PPAT: variants seen among roughly 807,000 people sequenced by gnomAD.
PPAT encodes amidophosphoribosyltransferase.
In PPAT, 20 loss-of-function variants were observed where a neutral mutation model predicts 60.2. The ratio of observed to expected loss-of-function variants is 0.33; its 90% CI spans 0.23 to 0.48. PPAT has a LOEUF of 0.48. Among genes scored for constraint, PPAT ranks in the 20% least tolerant of loss-of-function variants. The pLI is 0.99. For missense variants in PPAT, 349 were observed against 629.6 expected (o/e 0.55, Z 4.77); for synonymous variants, 194 against 215.1 (o/e 0.90, Z 0.86).
chr4:56,414,968 T>C (rs550467555), intron 1 of PPAT, among the ~76,000 whole-genome samples: 3 of 152,234 alleles, frequency 2.0e-5, no homozygotes, highest in East Asian at 1.9e-4. Context: ...AACTGTGCCA[T>C]CTGAAAGCAG....
In PPAT at chr4:56,396,528, T is replaced by C; in HGVS notation, c.1357+91A>G. 2 of 1,290,064 alleles carry C rather than the reference T, an allele frequency of 1.6e-6. No individual in the cohort carries two copies. Among genetic ancestry groups the C allele is most frequent in the Non-Finnish European group, 2.1e-6 (2 of 930,636 alleles). The allele number at this position is 1,290,064 out of a possible 1,614,324, so 79.9% of individuals were successfully genotyped here. A position where few individuals can be genotyped will look rare whatever the true frequency, so the allele number is the denominator to read the frequency against. On this transcript the variant is annotated intron_variant, in intron 10 of 10. Coordinates refer to ENST00000264220, the MANE Select transcript of PPAT (RefSeq NM_002703.5). This position sits in a 1 kb window ranked among gnomAD's most constrained non-coding sequence, Gnocchi z 4.6. ...ATATATAACTACTTTTAACAAACAC[T>C]GAATACTCCTTTTTACTAAAGGTGT...
At position 56,396,345 on chromosome 4, in the gene PPAT, G is replaced by A. The variant is rs960267385; in HGVS notation, c.1357+274C>T. ...GTTTTTCTTGGGATCTGACTTTTGG[G>A]AGGCTTTAAGTGATTATGATTGCAC... On this transcript the variant is annotated intron_variant, in intron 10 of 10. Coordinates refer to ENST00000264220, the MANE Select transcript of PPAT (RefSeq NM_002703.5). The surrounding 1 kb of genome is among the most constrained non-coding windows in gnomAD (Gnocchi z 4.6). 1 of 232,692 alleles carries A rather than the reference G, an allele frequency of 4.3e-6. No homozygotes were observed. Among genetic ancestry groups the A allele is most frequent in the African/African-American group, 2.3e-5 (1 of 44,180 alleles). The allele number at this position is 232,692 out of a possible 1,614,324, so 14.4% of individuals were successfully genotyped here.
At chr4:56,419,879 G>A in intron 1 of PPAT, 10 of 984,678 alleles carry the variant, frequency 1.0e-5, no homozygotes, top group Non-Finnish European at 1.2e-5. Flanking sequence ...ACGAATACAA[G>A]ATCGTAAGAA....
At chr4:56,419,595 A>G in intron 1 of PPAT, 1 of 842,386 alleles carries the variant, frequency 1.2e-6, no homozygotes, top group Non-Finnish European at 1.4e-6. Context: ...TATATCTTTT[A>G]CCTCTCTACC....
intron 1 of PPAT, among the ~76,000 whole-genome samples, chr4:56,429,725 C>T (rs1308097223): frequency 3.9e-5 from 6 of 152,132 alleles, no homozygotes; most frequent in Non-Finnish European, 8.8e-5. Flanking sequence ...AAAGTAGACA[C>T]ACCAAATCCA....
chr4:56,428,441 G>C (rs1328385971), intron 1 of PPAT, among the ~76,000 whole-genome samples: 2 of 152,072 alleles, frequency 1.3e-5, no homozygotes, highest in African/African-American at 4.8e-5. Context: ...AATGCAGTTT[G>C]GGATAGACAG....
intron 1 of PPAT, chr4:56,431,562 AT>A: frequency 2.1e-6 from 2 of 964,596 alleles, no homozygotes; most frequent in Non-Finnish European, 2.5e-6. Context: ...AATCTTATAA[AT>A]TTTTAGAAGT....
At chr4:56,412,384 T>C (rs1716506958) in intron 1 of PPAT, among the ~76,000 whole-genome samples, 2 of 151,848 alleles carry the variant, frequency 1.3e-5, no homozygotes, top group African/African-American at 4.8e-5. Flanking sequence ...TCTTGGCTCA[T>C]TGCTGCCTCA....
chr4:56,396,831 T>G lies in PPAT; in HGVS notation c.1237-92A>C, dbSNP rs550118130. ...AATACAAAATTGTTTTGCAGAATAT[T>G]CAGTAACAACATATGGGTAATAAAT... On this transcript the variant is annotated intron_variant, in intron 9 of 10. Transcript: ENST00000264220. This position sits in a 1 kb window ranked among gnomAD's most constrained non-coding sequence, Gnocchi z 4.6. The G allele has an allele frequency of 9.7e-4, 1,272 of 1,315,222 alleles. 3 individuals are homozygous for G. The highest frequency in any genetic ancestry group is 1.2e-3 in the Non-Finnish European group (1,138 of 964,078). 81.5% of individuals were successfully genotyped at this position (1,315,222 alleles called of 1,614,324 possible). A position where few individuals can be genotyped will look rare whatever the true frequency, so the allele number is the denominator to read the frequency against.
intron 1 of PPAT, among the ~76,000 whole-genome samples, chr4:56,433,529 C>G (rs1717718273): frequency 6.8e-6 from 1 of 147,676 alleles, no homozygotes; most frequent in African/African-American, 2.5e-5. Context: ...TCTTCAGGCA[C>G]ACATTTAAAG....
At chr4:56,409,296 T>C (rs1295966548) in intron 1 of PPAT, among the ~76,000 whole-genome samples, 1 of 152,216 alleles carries the variant, frequency 6.6e-6, no homozygotes, top group Non-Finnish European at 1.5e-5. Context: ...TTTATGCTTC[T>C]AACCTCTACT....
chr4:56,418,960 T>G (rs1560646221), intron 1 of PPAT, among the ~76,000 whole-genome samples: 1 of 152,244 alleles, frequency 6.6e-6, no homozygotes, highest in African/African-American at 2.4e-5. Context: ...AATACTTCAT[T>G]TAAAATGGCT....
chr4:56,399,136 T>C, intron 9 of PPAT, 43 bp downstream of exon 9: 2 of 1,518,000 alleles, frequency 1.3e-6, no homozygotes, highest in Non-Finnish European at 1.8e-6. Flanking sequence ...GCCAGTATCT[T>C]ATTGTTAACT....
chr4:56,408,053 C>G (rs1578118365), intron 1 of PPAT: 1 of 204,960 alleles, frequency 4.9e-6, no homozygotes, highest in East Asian at 1.1e-4. Context: ...TGATCCAAGT[C>G]ACATATGGTT....
chr4:56,401,240 C>T (rs956275), intron 7 of PPAT, 90 bp downstream of exon 7: 460,701 of 1,220,488 alleles, frequency 0.38, 91,962 homozygotes, highest in Non-Finnish European at 0.41. Context: ...CTTCAAAGAG[C>T]CAGGTAAGCC....
At chr4:56,407,747 A>T (rs1716282335) in intron 1 of PPAT, 31 bp from the exon 2 acceptor site, 1 of 1,514,712 alleles carries the variant, frequency 6.6e-7, no homozygotes, top group East Asian at 2.2e-5. Flanking sequence ...TAGCTGTTAA[A>T]TCTGCCAATT....
intron 1 of PPAT, among the ~76,000 whole-genome samples, chr4:56,432,961 G>A (rs1022471843): frequency 6.6e-5 from 9 of 136,622 alleles, no homozygotes; most frequent in Admixed American, 7.9e-5. Flanking sequence ...CTCAGAGTAC[G>A]ATATATATAT....
At chr4:56,433,788 G>A (rs1717740004) in intron 1 of PPAT, among the ~76,000 whole-genome samples, 1 of 151,354 alleles carries the variant, frequency 6.6e-6, no homozygotes, top group South Asian at 2.1e-4. Context: ...TAAGCCTCCC[G>A]GGTTCAAGCG....
chr4:56,432,957 G>A (rs538595046), intron 1 of PPAT, among the ~76,000 whole-genome samples: 1 of 147,510 alleles, frequency 6.8e-6, no homozygotes, highest in Non-Finnish European at 1.5e-5. Context: ...ACTTCTCAGA[G>A]TACGATATAT....
Sources: gnomAD v4.1 joint callset for allele counts (sites outside exome capture counted in the v4.1 genomes callset) on GRCh38, gnomAD v4.1.1 for gene constraint, Gnocchi (gnomAD v3.1) non-coding constraint, MANE v1.5 for transcripts, NCBI Gene and HGNC (gene_info 2026-07-23, HGNC 2026-07-21) for gene names.